The following NDRG3 variants were observed in gnomAD, a reference collection of about 807,000 sequenced individuals.
The protein encoded by NDRG3 is protein NDRG3.
A neutral mutation model predicts 57.2 loss-of-function variants in NDRG3; 23 were observed. That is an observed-to-expected ratio of 0.40 (90% CI 0.29 to 0.57). The LOEUF is 0.57. NDRG3 is among the 20% of genes least tolerant of loss of function. The pLI is 0.42. For missense variants in NDRG3, 384 were observed against 457.3 expected, an observed-to-expected ratio of 0.84 and a Z score of 1.46; for synonymous variants, 132 against 162.6, an observed-to-expected ratio of 0.81 and a Z score of 1.43.
intron 2 of NDRG3, among the ~76,000 whole-genome samples, chr20:36,711,162 G>T (rs1203721796): frequency 1.3e-5 from 2 of 148,516 alleles, no homozygotes; most frequent in African/African-American, 4.9e-5. Flanking sequence ...GGCGCCTGTA[G>T]TCCCAGCTAC....
At position 36,671,405 on chromosome 20, in the gene NDRG3, GA is replaced by G; in HGVS notation, c.532-9del. On this transcript the variant is annotated splice_polypyrimidine_tract_variant and intron_variant, in intron 8 of 15. Transcript: ENST00000349004. ...GGTTGTCAGGCCAGAGAGCTGAAAA[GA>G]TAAAAACTCTGTGTTAAGAATGTAA... 6.2e-7 allele frequency: 1 copy of G among 1,612,378 alleles called. No homozygotes were observed. Among genetic ancestry groups the G allele is most frequent in the African/African-American group, 1.3e-5 (1 of 74,970 alleles).
At chr20:36,739,893 G>C (rs1384649693) in intron 1 of NDRG3, among the ~76,000 whole-genome samples, 1 of 130,430 alleles carries the variant, frequency 7.7e-6, no homozygotes, top group Non-Finnish European at 1.6e-5. Flanking sequence ...CTGGGTGACA[G>C]AGCGAGACTC....
At chr20:36,670,712 A>G (rs1980074570) in intron 9 of NDRG3, among the ~76,000 whole-genome samples, 3 of 152,332 alleles carry the variant, frequency 2.0e-5, no homozygotes, top group Non-Finnish European at 4.4e-5. Flanking sequence ...ATTAAGCAGA[A>G]AACAATTGAG....
At chr20:36,738,716 G>C (rs141741057) in intron 1 of NDRG3, among the ~76,000 whole-genome samples, 6 of 147,154 alleles carry the variant, frequency 4.1e-5, no homozygotes, top group Non-Finnish European at 9.0e-5. Context: ...CCAGCTACTC[G>C]GGAGGCTGAG....
At chr20:36,730,298 C>CG (rs1985201413) in intron 1 of NDRG3, among the ~76,000 whole-genome samples, 1 of 150,978 alleles carries the variant, frequency 6.6e-6, no homozygotes, top group Non-Finnish European at 1.5e-5. Context: ...CTTTGTCACT[C>CG]GGCTGGAGTG....
chr20:36,682,514 T>C lies in NDRG3; in HGVS notation c.444+4A>G. Reference sequence around the variant, plus strand: ...ATGTTGAGGCTAATCCTCTACATACTTACTGCAAATCTGCTGAGGATGTAA... The same window carrying C: ...ATGTTGAGGCTAATCCTCTACATACCTACTGCAAATCTGCTGAGGATGTAA... On this transcript the variant is annotated splice_donor_region_variant and intron_variant, in intron 7 of 15. Transcript: ENST00000349004. 6.2e-7 allele frequency: 1 copy of C among 1,613,288 alleles called. No individual in the cohort carries two copies. Among genetic ancestry groups the C allele is most frequent in the Non-Finnish European group, 8.5e-7 (1 of 1,179,254 alleles).
chr20:36,738,453 C>G (rs1985723089), intron 1 of NDRG3, among the ~76,000 whole-genome samples: 1 of 151,740 alleles, frequency 6.6e-6, no homozygotes, highest in South Asian at 2.1e-4. Context: ...CGAGATCACA[C>G]CACTTCACCA....
chr20:36,671,368 G>T lies in NDRG3; in HGVS notation c.561C>A (p.Asp187Glu), dbSNP rs1258552128. Residue 187 changes from aspartate to glutamate, a missense_variant, in exon 9 of 16, where the codon GAC becomes GAA. Transcript: ENST00000349004. Reference protein sequence around the residue: ...KLSGLTTNVVDIILAHHFGQE... With the variant: ...KLSGLTTNVVEIILAHHFGQE... ...GCCCAAAGTGATGAGCCAAAATAAT[G>T]TCCACAACATTGGTTGTCAGGCCAG... 1 of 1,613,752 alleles carries T rather than the reference G, an allele frequency of 6.2e-7. No homozygotes were observed. The highest frequency in any genetic ancestry group is 8.5e-7 in the Non-Finnish European group (1 of 1,179,842).
intron 3 of NDRG3, among the ~76,000 whole-genome samples, chr20:36,697,967 T>A (rs1160301796): frequency 7.0e-6 from 1 of 143,408 alleles, no homozygotes; most frequent in Admixed American, 6.9e-5. Context: ...TTTTTTCTTT[T>A]TTTTTTTTTT....
chr20:36,722,127 C>T (rs1318189647), intron 1 of NDRG3, among the ~76,000 whole-genome samples: 1 of 152,096 alleles, frequency 6.6e-6, no homozygotes, highest in South Asian at 2.1e-4. Flanking sequence ...GGACACTCTC[C>T]CCTGCTAGGT....
chr20:36,654,236 A>G (rs1467761131), intron 15 of NDRG3, among the ~76,000 whole-genome samples: 3 of 152,164 alleles, frequency 2.0e-5, no homozygotes, highest in African/African-American at 7.2e-5. Flanking sequence ...ACCTCAACAC[A>G]GGGATGAGGT....
intron 1 of NDRG3, among the ~76,000 whole-genome samples, chr20:36,734,194 G>A (rs1448604007): frequency 7.9e-5 from 12 of 150,962 alleles, no homozygotes; most frequent in African/African-American, 2.9e-4. Flanking sequence ...GTGACAGAGC[G>A]AGACTCCGTC....
At chr20:36,672,756 G>A (rs1980283773) in intron 8 of NDRG3, among the ~76,000 whole-genome samples, 1 of 151,816 alleles carries the variant, frequency 6.6e-6, no homozygotes, top group African/African-American at 2.4e-5. Flanking sequence ...TTGAACCCAG[G>A]AGGTGGAGGT....
At chr20:36,718,424 A>T (rs1984399239) in intron 2 of NDRG3, among the ~76,000 whole-genome samples, 1 of 152,168 alleles carries the variant, frequency 6.6e-6, no homozygotes, top group Admixed American at 6.5e-5. Context: ...ATCAAAGAGG[A>T]GCAGATAGAT....
At position 36,745,188 on chromosome 20, in the gene NDRG3, G is replaced by A. The variant is rs538145306; in HGVS notation, c.-49+857C>T. ...GGGAAGTGCAGAGGTGGTTATGCGA[G>A]GTTATCTTAATAAAATGCTTAGCAA... On this transcript the variant is annotated intron_variant, in intron 1 of 15. Transcript: ENST00000349004. 1.6e-4 allele frequency among the ~76,000 whole-genome samples: 24 copies of A among 152,274 alleles called. No individual in the cohort carries two copies. The South Asian group carries it at 4.8e-3, about 30-fold the overall frequency.
At chr20:36,677,615 T>C (rs1980872700) in intron 8 of NDRG3, among the ~76,000 whole-genome samples, 2 of 152,204 alleles carry the variant, frequency 1.3e-5, no homozygotes, top group Admixed American at 6.5e-5. Flanking sequence ...CTACTCTCTC[T>C]GCTGAGAGCT....
chr20:36,739,661 G>A (rs6129621), intron 1 of NDRG3, among the ~76,000 whole-genome samples: 47 of 151,160 alleles, frequency 3.1e-4, no homozygotes, highest in Non-Finnish European at 4.0e-4. Context: ...GGTGGCTCAC[G>A]CCTATAATCC....
At position 36,656,435 on chromosome 20, in the gene NDRG3, A is replaced by G. The variant is rs368766200; in HGVS notation, c.895-24T>C. On this transcript the variant is annotated intron_variant, in intron 14 of 15. Coordinates refer to ENST00000349004, the MANE Select transcript of NDRG3 (RefSeq NM_032013.4). ...GGCTGGGGGGATAAAACAAGAGGGCATTAATTTTTGCATAGACAGAGAAGC... is the reference window on the plus strand; with the variant it reads ...GGCTGGGGGGATAAAACAAGAGGGCGTTAATTTTTGCATAGACAGAGAAGC... 3.2e-5 allele frequency: 51 copies of G among 1,614,070 alleles called. No homozygotes were observed. The African/African-American group carries it at 6.5e-4, about 21-fold the overall frequency.
chr20:36,680,776 G>C, intron 8 of NDRG3, 40 bp downstream of exon 8: 1 of 1,542,986 alleles, frequency 6.5e-7, no homozygotes, highest in Non-Finnish European at 9.0e-7. Context: ...TTTTGAGATG[G>C]GCCAAGATAA....
Sources: allele counts gnomAD v4.1 joint callset (sites outside exome capture counted in the v4.1 genomes callset), GRCh38; gene constraint gnomAD v4.1.1; transcripts MANE v1.5; gene names NCBI Gene and HGNC (gene_info 2026-07-23, HGNC 2026-07-21).